Variants in DYRK1A observed in about 807,000 individuals in gnomAD.
DYRK1A encodes dual specificity tyrosine phosphorylation regulated kinase 1A.
A neutral mutation model predicts 79.7 loss-of-function variants in DYRK1A; 9 were observed. That is an observed-to-expected ratio of 0.11 (90% CI 0.07 to 0.20). The LOEUF (loss-of-function observed/expected upper bound fraction) is 0.20. Among genes scored for constraint, DYRK1A ranks in the 10% least tolerant of loss-of-function variants. DYRK1A has a pLI of 1.00. For missense variants in DYRK1A, 622 were observed against 956.0 expected, an observed-to-expected ratio of 0.65 and a Z score of 4.61; for synonymous variants, 349 against 329.7, an observed-to-expected ratio of 1.06 and a Z score of -0.63.
chr21:37,412,353 T>C (rs1056006890), intron 1 of DYRK1A, among the ~76,000 whole-genome samples: 15 of 152,348 alleles, frequency 9.8e-5, no homozygotes, highest in Admixed American at 9.8e-4. Flanking sequence ...AGCAGCTTTA[T>C]GCAAAATAAA....
intron 2 of DYRK1A, among the ~76,000 whole-genome samples, chr21:37,443,675 C>T (rs908572055): frequency 3.9e-5 from 6 of 152,108 alleles, no homozygotes; most frequent in African/African-American, 7.2e-5. Flanking sequence ...CGGTGAGTAT[C>T]GATGTTTCCC....
intron 2 of DYRK1A, among the ~76,000 whole-genome samples, chr21:37,442,405 G>T (rs1345137444): frequency 1.3e-5 from 2 of 152,072 alleles, no homozygotes; most frequent in Non-Finnish European, 2.9e-5. Context: ...AATCTCTTCT[G>T]TTTTGACATC....
chr21:37,507,218 C>T (rs867870339), intron 11 of DYRK1A, among the ~76,000 whole-genome samples: 1 of 152,066 alleles, frequency 6.6e-6, no homozygotes, highest in South Asian at 2.1e-4. Context: ...TTGTTAGAAG[C>T]AGTGTGTTTC....
At chr21:37,502,708 C>T (rs2053486988) in intron 9 of DYRK1A, 1 of 152,134 alleles carries the variant, frequency 6.6e-6, no homozygotes, top group Non-Finnish European at 1.5e-5. Flanking sequence ...GTTATTCATT[C>T]CTTTTTGCAA....
At chr21:37,370,405 CT>C (rs1003744951) in intron 1 of DYRK1A, among the ~76,000 whole-genome samples, 7 of 151,492 alleles carry the variant, frequency 4.6e-5, no homozygotes, top group Non-Finnish European at 7.4e-5. Context: ...ATAGAATTAA[CT>C]GTATTATAGG....
Position 37,517,536 on chromosome 21 carries a change from CA to C in DYRK1A, c.*5006del, listed in dbSNP as rs1181544211. 1 of 152,118 alleles carries C rather than the reference CA, an allele frequency of 6.6e-6. No homozygotes were observed. The highest frequency in any genetic ancestry group is 1.5e-5 in the Non-Finnish European group (1 of 68,042). The allele number at this position is 152,118 out of a possible 1,614,324, so 9.4% of individuals were successfully genotyped here. Reference sequence around the variant, plus strand: ...AGTCAGTGTACTTGCCCCTGAATTCCATATCTGAAACTGCAGTCACGGGAGA... The same window carrying C: ...AGTCAGTGTACTTGCCCCTGAATTCCTATCTGAAACTGCAGTCACGGGAGA... On this transcript the variant is annotated 3_prime_UTR_variant, in exon 12 of 12. Transcript: ENST00000647188.
intron 10 of DYRK1A, among the ~76,000 whole-genome samples, 182 bp from the exon 11 acceptor site, chr21:37,505,913 CGAGA>C (rs1179907286): frequency 6.6e-6 from 1 of 152,114 alleles, no homozygotes; most frequent in Non-Finnish European, 1.5e-5. Context: ...AAGTGGTGGA[CGAGA>C]GAGAACCTGG....
At chr21:37,501,166 G>GTTTTTTTTTTTTGTTT (rs2053434064) in intron 9 of DYRK1A, among the ~76,000 whole-genome samples, 25 of 93,978 alleles carry the variant, frequency 2.7e-4, no homozygotes, top group African/African-American at 1.1e-3. Flanking sequence ...GTTGTTGTTG[G>GTTTTTTTTTTTTGTTT]TTTTTTTTTT....
chr21:37,390,683 C>G (rs2049853607), intron 1 of DYRK1A, among the ~76,000 whole-genome samples: 3 of 152,188 alleles, frequency 2.0e-5, no homozygotes, highest in Admixed American at 2.0e-4. Context: ...ATTCTCCTGC[C>G]TCAGCCTCCC....
chr21:37,509,786 T>C (rs1257118861), intron 11 of DYRK1A, among the ~76,000 whole-genome samples: 1 of 152,258 alleles, frequency 6.6e-6, no homozygotes, highest in Non-Finnish European at 1.5e-5. Context: ...TTACAAATGG[T>C]AGTTTAATAA....
At chr21:37,446,592 T>C (rs1224079380) in intron 2 of DYRK1A, among the ~76,000 whole-genome samples, 1 of 151,972 alleles carries the variant, frequency 6.6e-6, no homozygotes, top group African/African-American at 2.4e-5. Context: ...TTTTTTTTTT[T>C]TTTAATTTGA....
At chr21:37,434,218 A>G (rs1331797600) in intron 2 of DYRK1A, among the ~76,000 whole-genome samples, 3 of 152,230 alleles carry the variant, frequency 2.0e-5, no homozygotes, top group African/African-American at 7.2e-5. Flanking sequence ...TACAAATGCT[A>G]GACGTCTTTC....
At chr21:37,455,775 A>G (rs944145426) in intron 2 of DYRK1A, among the ~76,000 whole-genome samples, 2 of 152,120 alleles carry the variant, frequency 1.3e-5, no homozygotes, top group African/African-American at 4.8e-5. Context: ...AGCATTTGCC[A>G]TTTGCCAGGT....
At chr21:37,380,311 T>C (rs2049631134) in intron 1 of DYRK1A, among the ~76,000 whole-genome samples, 1 of 152,244 alleles carries the variant, frequency 6.6e-6, no homozygotes, top group Non-Finnish European at 1.5e-5. Context: ...ACATTGCTTC[T>C]GTGATATAAA....
intron 1 of DYRK1A, among the ~76,000 whole-genome samples, chr21:37,403,648 A>T (rs57439049): frequency 0.21 from 17,878 of 84,074 alleles, 1,561 homozygotes; most frequent in African/African-American, 0.34. Flanking sequence ...AAAAAAAAAA[A>T]ATATATATAT....
intron 2 of DYRK1A, among the ~76,000 whole-genome samples, chr21:37,438,152 A>G (rs964274959): frequency 5.3e-5 from 8 of 151,754 alleles, no homozygotes; most frequent in Non-Finnish European, 1.0e-4. Flanking sequence ...TGTTTGTTCA[A>G]ATCTTTTGTC....
At chr21:37,404,037 C>T (rs1211109243) in intron 1 of DYRK1A, among the ~76,000 whole-genome samples, 1 of 151,960 alleles carries the variant, frequency 6.6e-6, no homozygotes, top group Non-Finnish European at 1.5e-5. Flanking sequence ...TTGGAGTAGG[C>T]TGTATGCTAG....
At chr21:37,380,543 C>A (rs1024820526) in intron 1 of DYRK1A, among the ~76,000 whole-genome samples, 1 of 151,958 alleles carries the variant, frequency 6.6e-6, no homozygotes, top group Admixed American at 6.6e-5. Flanking sequence ...AGAAGCCAGG[C>A]GTTTTAAGAT....
intron 1 of DYRK1A, among the ~76,000 whole-genome samples, chr21:37,410,385 G>T (rs2050221383): frequency 6.6e-6 from 1 of 152,194 alleles, no homozygotes; most frequent in African/African-American, 2.4e-5. Context: ...TTTATGACTA[G>T]GGATTGGAAG....
Sources: gnomAD v4.1 joint callset for allele counts (sites outside exome capture counted in the v4.1 genomes callset) on GRCh38, gnomAD v4.1.1 for gene constraint, MANE v1.5 for transcripts, NCBI Gene and HGNC (gene_info 2026-07-23, HGNC 2026-07-21) for gene names.